Variants in FIGN observed in about 807,000 individuals in gnomAD.
FIGN encodes the protein fidgetin.
A neutral mutation model predicts 51.3 loss-of-function variants in FIGN; 11 were observed. That is an observed-to-expected ratio of 0.21 (90% CI 0.13 to 0.35). The LOEUF (loss-of-function observed/expected upper bound fraction) is 0.35, where lower values mean the gene tolerates loss of function less well. FIGN is among the 10% of genes least tolerant of loss of function. The probability of loss-of-function intolerance (pLI) is 1.00; values close to 1 mark genes in which losing one functional copy is unlikely to be tolerated. For missense variants in FIGN, 857 were observed against 943.6 expected (o/e 0.91, Z 1.20); for synonymous variants, 407 against 363.2 (o/e 1.12, Z -1.37).
chr2:163,700,706 A>T (rs971686193), intron 2 of FIGN, among the ~76,000 whole-genome samples: 13 of 152,130 alleles, frequency 8.5e-5, no homozygotes, highest in African/African-American at 3.1e-4. Context: ...AAGATGTTCC[A>T]TTTGAGGATA....
chr2:163,710,120 T>C (rs1684564460), intron 2 of FIGN, among the ~76,000 whole-genome samples: 1 of 152,202 alleles, frequency 6.6e-6, no homozygotes, highest in African/African-American at 2.4e-5. Context: ...GTCAAAGTAG[T>C]GCTATCAATT....
intron 2 of FIGN, among the ~76,000 whole-genome samples, chr2:163,726,417 T>C (rs1684839059): frequency 6.6e-6 from 1 of 152,070 alleles, no homozygotes; most frequent in Non-Finnish European, 1.5e-5. Flanking sequence ...AGAAAGTCAG[T>C]TTTAATATAG....
chr2:163,625,507 T>C (rs1683041751), intron 2 of FIGN, among the ~76,000 whole-genome samples: 4 of 152,048 alleles, frequency 2.6e-5, no homozygotes, highest in Admixed American at 2.6e-4. Context: ...ATATTATTTA[T>C]ATGCACTAAG....
chr2:163,735,098 A>C, intron 1 of FIGN, 26 bp from the exon 2 acceptor site: 1 of 533,398 alleles, frequency 1.9e-6, no homozygotes. Context: ...TAAGGGGGAA[A>C]GCAACATCAA....
At chr2:163,688,719 C>T (rs750955299) in intron 2 of FIGN, among the ~76,000 whole-genome samples, 1 of 152,124 alleles carries the variant, frequency 6.6e-6, no homozygotes, top group South Asian at 2.1e-4. Context: ...AAGTTGGTCG[C>T]AAGAGGGAGA....
intron 2 of FIGN, among the ~76,000 whole-genome samples, chr2:163,614,500 T>C (rs995153486): frequency 1.3e-5 from 2 of 152,146 alleles, no homozygotes; most frequent in African/African-American, 4.8e-5. Flanking sequence ...CTAGGGAATT[T>C]CTATTATGGT....
chr2:163,617,810 C>G (rs1033475273), intron 2 of FIGN, among the ~76,000 whole-genome samples: 8 of 152,148 alleles, frequency 5.3e-5, no homozygotes, highest in African/African-American at 1.4e-4. Context: ...GGTATTATTT[C>G]ACCTTACTGT....
intron 2 of FIGN, among the ~76,000 whole-genome samples, chr2:163,616,123 C>T (rs944357462): frequency 1.3e-5 from 2 of 152,122 alleles, no homozygotes; most frequent in Non-Finnish European, 2.9e-5. Context: ...ATTTGCCATT[C>T]TTACCATTAC....
At chr2:163,638,171 C>T (rs1683254365) in intron 2 of FIGN, among the ~76,000 whole-genome samples, 1 of 151,954 alleles carries the variant, frequency 6.6e-6, no homozygotes, top group Admixed American at 6.6e-5. Flanking sequence ...CGGAATCCTG[C>T]CGTGGTCTTG....
intron 2 of FIGN, among the ~76,000 whole-genome samples, chr2:163,680,512 G>C (rs577561099): frequency 6.6e-6 from 1 of 152,102 alleles, no homozygotes; most frequent in Non-Finnish European, 1.5e-5. Flanking sequence ...CTGACACCAC[G>C]ACAAGCCCCA....
chr2:163,612,692 A>ATGTGTG (rs10678331), intron 2 of FIGN: 8,496 of 385,726 alleles, frequency 0.022, 218 homozygotes, highest in African/African-American at 0.085. Flanking sequence ...AGAGGGGAGA[A>ATGTGTG]TGTGTGTGTG....
chr2:163,729,528 G>T (rs1684892918), intron 2 of FIGN, among the ~76,000 whole-genome samples: 1 of 151,956 alleles, frequency 6.6e-6, no homozygotes, highest in African/African-American at 2.4e-5. Context: ...ATGAAAATGA[G>T]AACAGAAACC....
chr2:163,660,644 A>G (rs1454475034), intron 2 of FIGN, among the ~76,000 whole-genome samples: 1 of 142,374 alleles, frequency 7.0e-6, no homozygotes, highest in Admixed American at 7.5e-5. Context: ...AGACTGAAAA[A>G]GAGCAACAAA....
chr2:163,686,755 T>C (rs975333994), intron 2 of FIGN, among the ~76,000 whole-genome samples: 8 of 127,942 alleles, frequency 6.3e-5, no homozygotes, highest in Non-Finnish European at 1.3e-4. Context: ...TATGTATGTA[T>C]GTGTATATAT....
chr2:163,701,239 A>G (rs539090959), intron 2 of FIGN, among the ~76,000 whole-genome samples: 1 of 152,296 alleles, frequency 6.6e-6, no homozygotes, highest in South Asian at 2.1e-4. Context: ...TGTGAATTAC[A>G]GCACTGAGTC....
chr2:163,650,256 T>C (rs1437055645), intron 2 of FIGN, among the ~76,000 whole-genome samples: 2 of 151,960 alleles, frequency 1.3e-5, no homozygotes, highest in Non-Finnish European at 1.5e-5. Flanking sequence ...CAGGGACCTA[T>C]AGAGCTTACT....
rs1683262455 is a variant in FIGN at position 163,638,673 on chromosome 2, G to C, written c.26-26867C>G. ...CTGGGTAGATGCAAAAATTCTGCCT[G>C]AGTAACTGCAGCACACACATTTATT... On this transcript the variant is annotated intron_variant, in intron 2 of 2. Coordinates refer to ENST00000333129, the MANE Select transcript of FIGN (RefSeq NM_018086.4). 4.6e-5 allele frequency among the ~76,000 whole-genome samples: 7 copies of C among 152,246 alleles called. No homozygotes were observed. In the South Asian group the frequency reaches 1.5e-3, roughly 32 times the overall value.
chr2:163,669,880 G>A (rs1260913673), intron 2 of FIGN, among the ~76,000 whole-genome samples: 2 of 151,966 alleles, frequency 1.3e-5, no homozygotes, highest in Non-Finnish European at 2.9e-5. Flanking sequence ...TTAGAACATG[G>A]GTAAGTAGGA....
At chr2:163,638,700 T>C (rs1160140841) in intron 2 of FIGN, among the ~76,000 whole-genome samples, 2 of 152,184 alleles carry the variant, frequency 1.3e-5, no homozygotes, top group East Asian at 3.9e-4. Context: ...ACATTTATTT[T>C]CACATGCTTT....
Sources: gnomAD v4.1 joint callset for allele counts (sites outside exome capture counted in the v4.1 genomes callset) on GRCh38, gnomAD v4.1.1 for gene constraint, MANE v1.5 for transcripts, NCBI Gene and HGNC (gene_info 2026-07-23, HGNC 2026-07-21) for gene names.